NAA11: variants seen among roughly 807,000 people sequenced by gnomAD.
The protein encoded by NAA11 is N-alpha-acetyltransferase 11.
A neutral mutation model predicts 16.1 loss-of-function variants in NAA11; 15 were observed. The ratio of observed to expected loss-of-function variants is 0.93; its 90% CI spans 0.62 to 1.44. The LOEUF (loss-of-function observed/expected upper bound fraction) is 1.44, where lower values mean the gene tolerates loss of function less well. NAA11 is among the 40% of genes most tolerant of loss of function. NAA11 has a pLI of 0.00. For missense variants in NAA11, 298 were observed against 291.3 expected, an observed-to-expected ratio of 1.02 and a Z score of -0.17; for synonymous variants, 122 against 112.4, an observed-to-expected ratio of 1.09 and a Z score of -0.54.
downstream of NAA11, among the ~76,000 whole-genome samples, chr4:79,314,531 A>G (rs888661586): frequency 6.6e-6 from 1 of 151,928 alleles, no homozygotes; most frequent in East Asian, 1.9e-4. Flanking sequence ...CGATGCACTA[A>G]GCATATGAAC....
At chr4:79,206,063 AT>A in the NAA11 span, among the ~76,000 whole-genome samples, 1 of 151,652 alleles carries the variant, frequency 6.6e-6, no homozygotes, top group African/African-American at 2.4e-5. Context: ...TCATTCGTTC[AT>A]TTTGCTTAGG....
In NAA11 at chr4:79,297,142, G is replaced by T. The variant is rs111532276; in HGVS notation, c.*13-3028C>A. ...TCCTGGCCATGCAGTTGCCGCTGTCGCCTGCCACCGTTGTGGGGAGGGTGT... is the reference window on the plus strand; with the variant it reads ...TCCTGGCCATGCAGTTGCCGCTGTCTCCTGCCACCGTTGTGGGGAGGGTGT... On this transcript the variant is annotated intron_variant and NMD_transcript_variant, in intron 1 of 2. Coordinates refer to the NAA11 transcript ENST00000511542. 4.6e-3 allele frequency among the ~76,000 whole-genome samples: 701 copies of T among 152,268 alleles called. 8 individuals are homozygous for T. Among genetic ancestry groups the T allele is most frequent in the African/African-American group, 0.015 (640 of 41,564 alleles).
intron 2 of NAA11, among the ~76,000 whole-genome samples, chr4:79,229,041 T>C (rs1277132208): frequency 6.6e-6 from 1 of 151,984 alleles, no homozygotes; most frequent in African/African-American, 2.4e-5. Context: ...ATTAATAGTG[T>C]CTTTCGTAGT....
intron 1 of NAA11, among the ~76,000 whole-genome samples, chr4:79,320,950 C>T (rs1724072367): frequency 6.6e-6 from 1 of 152,110 alleles, no homozygotes; most frequent in South Asian, 2.1e-4. Context: ...GGGAGCTAGA[C>T]CTATGTGCTG....
At chr4:79,202,057 A>C in the NAA11 span, among the ~76,000 whole-genome samples, 15 of 151,594 alleles carry the variant, frequency 9.9e-5, no homozygotes, top group African/African-American at 3.6e-4. Context: ...TAACATTCAA[A>C]ATCCTCTCCT....
chr4:79,207,518 GGAA>G, the NAA11 span, among the ~76,000 whole-genome samples: 2 of 152,086 alleles, frequency 1.3e-5, no homozygotes, highest in Non-Finnish European at 2.9e-5. Flanking sequence ...CTTCAGGCCA[GGAA>G]GAGAGGCTTC....
At chr4:79,288,746 A>T (rs1723008656) in intron 2 of NAA11, among the ~76,000 whole-genome samples, 1 of 152,198 alleles carries the variant, frequency 6.6e-6, no homozygotes, top group African/African-American at 2.4e-5. Context: ...ATTACTAAAC[A>T]ATACATGTTT....
the NAA11 span, among the ~76,000 whole-genome samples, chr4:79,206,377 C>A: frequency 6.6e-6 from 1 of 151,656 alleles, no homozygotes; most frequent in Non-Finnish European, 1.5e-5. Context: ...CAAAGACTTT[C>A]CCCCCCATCT....
chr4:79,265,499 C>T (rs1722325177), intron 2 of NAA11, among the ~76,000 whole-genome samples: 1 of 152,174 alleles, frequency 6.6e-6, no homozygotes, highest in African/African-American at 2.4e-5. Flanking sequence ...TCAGGCTCTC[C>T]CCTATTGCAC....
the NAA11 span, among the ~76,000 whole-genome samples, chr4:79,159,750 G>C: frequency 3.9e-4 from 55 of 141,222 alleles, no homozygotes; most frequent in African/African-American, 1.7e-3. Context: ...TCTACTTTTT[G>C]TTTGTATAAA....
At chr4:79,303,077 T>TAG (rs1723448711) in intron 1 of NAA11, among the ~76,000 whole-genome samples, 232 of 3,072 alleles carry the variant, frequency 0.076, 3 homozygotes, top group African/African-American at 0.2. Context: ...TGAGGCCTTT[T>TAG]ATATATATAT....
chr4:79,247,015 G>A (rs1382429382), intron 2 of NAA11, among the ~76,000 whole-genome samples: 1 of 152,212 alleles, frequency 6.6e-6, no homozygotes, highest in Non-Finnish European at 1.5e-5. Flanking sequence ...GGAGTTGTAA[G>A]TCAAGTCAGG....
intron 2 of NAA11, among the ~76,000 whole-genome samples, chr4:79,242,400 G>A (rs1721719487): frequency 6.6e-6 from 1 of 152,202 alleles, no homozygotes; most frequent in Non-Finnish European, 1.5e-5. Context: ...CTATGGAGGG[G>A]CATTTCTTGA....
intron 2 of NAA11, among the ~76,000 whole-genome samples, chr4:79,263,443 A>G (rs972450140): frequency 6.6e-6 from 1 of 152,196 alleles, no homozygotes; most frequent in African/African-American, 2.4e-5. Context: ...TATCTGGAAC[A>G]AAAAGAAAGC....
intron 2 of NAA11, among the ~76,000 whole-genome samples, chr4:79,260,242 T>A (rs897699151): frequency 6.6e-6 from 1 of 152,224 alleles, no homozygotes. Context: ...TTTATCCTCA[T>A]CCACTTTTAT....
chr4:79,321,919 G>A (rs1578197980), intron 1 of NAA11, among the ~76,000 whole-genome samples: 2 of 152,220 alleles, frequency 1.3e-5, no homozygotes, highest in East Asian at 3.9e-4. Flanking sequence ...TGCTTCACCA[G>A]ATTGCCAAAG....
At chr4:79,298,643 C>T (rs1723294606) in intron 1 of NAA11, among the ~76,000 whole-genome samples, 1 of 152,258 alleles carries the variant, frequency 6.6e-6, no homozygotes, top group Non-Finnish European at 1.5e-5. Context: ...AGACCCCACA[C>T]TCACTCACAC....
downstream of NAA11, among the ~76,000 whole-genome samples, chr4:79,314,686 T>G (rs1188534146): frequency 7.5e-6 from 1 of 133,902 alleles, no homozygotes; most frequent in Non-Finnish European, 1.6e-5. Flanking sequence ...CTTTTTCAAA[T>G]CCTGTCAAAT....
chr4:79,233,692 G>C, intron 2 of NAA11, among the ~76,000 whole-genome samples: 1 of 151,878 alleles, frequency 6.6e-6, no homozygotes, highest in African/African-American at 2.4e-5. Flanking sequence ...GTTTGCCTCT[G>C]GTATATAAAA....
Sources: allele counts gnomAD v4.1 joint callset (sites outside exome capture counted in the v4.1 genomes callset), GRCh38; gene constraint gnomAD v4.1.1; transcripts MANE v1.5; gene names NCBI Gene and HGNC (gene_info 2026-07-23, HGNC 2026-07-21).